Variants in ATG10 observed in about 807,000 individuals in gnomAD.
ATG10 encodes ubiquitin-like-conjugating enzyme ATG10.
In ATG10, 30 loss-of-function variants were observed where a neutral mutation model predicts 32.1. The observed-to-expected ratio is 0.94, with a 90% CI of 0.70 to 1.27. ATG10 has a LOEUF of 1.27. Ranked by LOEUF, ATG10 falls within the 50% of genes most tolerant of loss-of-function variation. The probability of loss-of-function intolerance (pLI) is 0.00; values close to 1 mark genes in which losing one functional copy is unlikely to be tolerated. For missense variants in ATG10, 233 were observed against 262.3 expected (o/e 0.89, Z 0.77); for synonymous variants, 87 against 91.5 (o/e 0.95, Z 0.28).
rs545119016 is a variant in ATG10, at chr5:82,201,706, G to A, written c.453+23119G>A. On this transcript the variant is annotated intron_variant, in intron 5 of 7. Coordinates refer to ENST00000282185, the MANE Select transcript of ATG10 (RefSeq NM_031482.5). Reference sequence around the variant, plus strand: ...CTGCTGAGATTTTAACTGGGATTGTGTTGGATCTGTGGGTTGATTTGGAAA... The same window carrying A: ...CTGCTGAGATTTTAACTGGGATTGTATTGGATCTGTGGGTTGATTTGGAAA... Among the ~76,000 whole-genome samples the A allele has an allele frequency of 2.3e-3, 355 of 152,300 alleles. 1 individual carries two copies. The highest frequency in any genetic ancestry group is 4.0e-3 in the Non-Finnish European group (271 of 68,020).
intron 3 of ATG10, among the ~76,000 whole-genome samples, chr5:82,070,651 C>A (rs1764102587): frequency 6.6e-6 from 1 of 152,122 alleles, no homozygotes; most frequent in Non-Finnish European, 1.5e-5. Flanking sequence ...TTAGTCTTGA[C>A]CTTGGCTACT....
intron 2 of ATG10, among the ~76,000 whole-genome samples, chr5:81,988,553 C>T (rs1407431397): frequency 6.6e-6 from 1 of 152,158 alleles, no homozygotes; most frequent in Non-Finnish European, 1.5e-5. Context: ...TGTGCCTCAG[C>T]CTCCCGAGTA....
At chr5:82,142,751 G>T (rs1383001975) in intron 3 of ATG10, among the ~76,000 whole-genome samples, 1 of 152,104 alleles carries the variant, frequency 6.6e-6, no homozygotes, top group Non-Finnish European at 1.5e-5. Flanking sequence ...AGATAATAAG[G>T]GCTTAACTAG....
At chr5:82,123,256 T>A (rs1259149764) in intron 3 of ATG10, among the ~76,000 whole-genome samples, 92 of 152,142 alleles carry the variant, frequency 6.0e-4, no homozygotes, top group Non-Finnish European at 1.5e-4. Context: ...AGCAAACTAA[T>A]GCAGGAACAG....
At chr5:82,064,667 A>T (rs1200506861) in intron 3 of ATG10, among the ~76,000 whole-genome samples, 3 of 152,118 alleles carry the variant, frequency 2.0e-5, no homozygotes, top group Non-Finnish European at 4.4e-5. Flanking sequence ...TCATCTTACT[A>T]GTTGCTTTAT....
intron 3 of ATG10, among the ~76,000 whole-genome samples, chr5:82,094,291 G>A (rs978137090): frequency 2.6e-5 from 4 of 152,014 alleles, no homozygotes; most frequent in African/African-American, 9.7e-5. Flanking sequence ...CAGTTTTTTA[G>A]TTGTTTCAGG....
intron 2 of ATG10, among the ~76,000 whole-genome samples, chr5:82,013,844 A>T (rs890382207): frequency 9.2e-5 from 14 of 151,546 alleles, no homozygotes; most frequent in Non-Finnish European, 1.8e-4. Context: ...CCACTTTTTG[A>T]TGGGATTGTT....
At chr5:82,066,470 G>A (rs1375594327) in intron 3 of ATG10, among the ~76,000 whole-genome samples, 1 of 152,076 alleles carries the variant, frequency 6.6e-6, no homozygotes, top group African/African-American at 2.4e-5. Flanking sequence ...AAATGATAGA[G>A]TCATAAAAAT....
At chr5:82,002,602 T>C (rs979150470) in intron 2 of ATG10, among the ~76,000 whole-genome samples, 4 of 152,050 alleles carry the variant, frequency 2.6e-5, no homozygotes, top group Non-Finnish European at 4.4e-5. Flanking sequence ...TGAGTACATA[T>C]GGACACAAAG....
intron 3 of ATG10, among the ~76,000 whole-genome samples, chr5:82,123,894 C>A (rs543105839): frequency 6.6e-6 from 1 of 151,876 alleles, no homozygotes; most frequent in Non-Finnish European, 1.5e-5. Flanking sequence ...TGTGATTGCA[C>A]CACTGCACTC....
intron 3 of ATG10, among the ~76,000 whole-genome samples, chr5:82,061,040 C>G (rs1763752180): frequency 6.6e-6 from 1 of 152,154 alleles, no homozygotes; most frequent in African/African-American, 2.4e-5. Context: ...CTTGAAATCC[C>G]TAAGGTTATT....
At chr5:82,060,722 A>G (rs550915830) in intron 3 of ATG10, among the ~76,000 whole-genome samples, 196 of 152,158 alleles carry the variant, frequency 1.3e-3, no homozygotes, top group African/African-American at 4.4e-3. Context: ...AAATTTAGCC[A>G]GGTGTGGGGG....
intron 5 of ATG10, among the ~76,000 whole-genome samples, chr5:82,240,612 T>G (rs1007299931): frequency 6.6e-6 from 1 of 152,092 alleles, no homozygotes; most frequent in Non-Finnish European, 1.5e-5. Context: ...TAGGGTGACT[T>G]AAGAAATAAT....
intron 2 of ATG10, among the ~76,000 whole-genome samples, chr5:82,007,530 G>T (rs1372204436): frequency 2.0e-5 from 3 of 152,076 alleles, no homozygotes; most frequent in African/African-American, 7.2e-5. Context: ...TCGGTTCACT[G>T]CAGTCTCCGC....
intron 1 of ATG10, among the ~76,000 whole-genome samples, chr5:81,983,767 G>T (rs1347160908): frequency 6.6e-6 from 1 of 150,984 alleles, no homozygotes; most frequent in Admixed American, 6.6e-5. Flanking sequence ...CTGGGCGGAG[G>T]GTCTCCTCAC....
chr5:82,200,062 G>A (rs1394059782), intron 5 of ATG10, among the ~76,000 whole-genome samples: 1 of 152,134 alleles, frequency 6.6e-6, no homozygotes, highest in Non-Finnish European at 1.5e-5. Context: ...GCTGATTCCA[G>A]TTTTTGGTGA....
At chr5:82,168,969 A>C (rs1287121479) in intron 4 of ATG10, among the ~76,000 whole-genome samples, 1 of 152,164 alleles carries the variant, frequency 6.6e-6, no homozygotes, top group Non-Finnish European at 1.5e-5. Flanking sequence ...TGTAGAGGAC[A>C]GCCACAGGTT....
chr5:82,103,018 A>G (rs972233344), intron 3 of ATG10, among the ~76,000 whole-genome samples: 4 of 152,152 alleles, frequency 2.6e-5, no homozygotes, highest in Admixed American at 1.3e-4. Flanking sequence ...ATTAGTTTAA[A>G]AAAAGGGGAC....
chr5:82,139,558 T>C (rs1245218081), intron 3 of ATG10, among the ~76,000 whole-genome samples: 9 of 122,904 alleles, frequency 7.3e-5, no homozygotes, highest in South Asian at 2.8e-4. Flanking sequence ...GTGAGGAGCG[T>C]CTCTGCCCGG....
Sources: allele counts gnomAD v4.1 joint callset (sites outside exome capture counted in the v4.1 genomes callset), GRCh38; gene constraint gnomAD v4.1.1; transcripts MANE v1.5; gene names NCBI Gene and HGNC (gene_info 2026-07-23, HGNC 2026-07-21).